C12orf50: variants seen among roughly 807,000 people sequenced by gnomAD.
C12orf50 encodes uncharacterized protein C12orf50.
C12orf50 carries 35 observed loss-of-function variants against 61.6 expected under a neutral mutation model. The ratio of observed to expected loss-of-function variants is 0.57; its 90% confidence interval spans 0.43 to 0.75. The LOEUF (loss-of-function observed/expected upper bound fraction) is 0.75. C12orf50 is among the 30% of genes least tolerant of loss of function. The pLI, the probability that C12orf50 is intolerant of heterozygous loss-of-function variation, is 0.00. For synonymous variants in C12orf50, 178 were observed against 161.5 expected (o/e 1.10, Z -0.77); for missense variants, 475 against 488.5 (o/e 0.97, Z 0.26).
Position 87,993,742 on chromosome 12 carries a change from C to T in C12orf50, c.592+891G>A, listed in dbSNP as rs986170947. On this transcript the variant is annotated intron_variant, in intron 7 of 12. Coordinates refer to ENST00000298699, the MANE Select transcript of C12orf50 (RefSeq NM_152589.3). ...TCAGCCACACCTTTCAACCTCCCCA[C>T]AAAATCTCTATATATTTTCAAAACA... Among the ~76,000 whole-genome samples, 5 of 152,166 alleles carry T rather than the reference C, an allele frequency of 3.3e-5. No homozygotes were observed. The East Asian group carries it at 9.6e-4, about 29-fold the overall frequency.
At chr12:88,026,033 C>G (rs2032693505) in intron 3 of C12orf50, among the ~76,000 whole-genome samples, 1 of 152,142 alleles carries the variant, frequency 6.6e-6, no homozygotes, top group Non-Finnish European at 1.5e-5. Flanking sequence ...TTAGAAAGAA[C>G]CATCACACAT....
chr12:87,994,853 T>A (rs1353952037), intron 6 of C12orf50, 110 bp from the exon 7 acceptor site: 6 of 660,074 alleles, frequency 9.1e-6, no homozygotes, highest in Admixed American at 5.6e-5. Flanking sequence ...TTAATGCAAG[T>A]ATTGTTTGCA....
At chr12:88,000,095 G>C (rs537821456) in intron 3 of C12orf50, among the ~76,000 whole-genome samples, 7 of 152,006 alleles carry the variant, frequency 4.6e-5, no homozygotes, top group Non-Finnish European at 7.4e-5. Flanking sequence ...TGTTTCATTG[G>C]AAAGAAATGA....
intron 3 of C12orf50, among the ~76,000 whole-genome samples, chr12:88,005,535 A>T (rs2031825417): frequency 2.0e-5 from 3 of 152,368 alleles, no homozygotes; most frequent in African/African-American, 7.2e-5. Context: ...TCCACAGTTT[A>T]ACCCAAGTAA....
At chr12:87,998,639 A>G (rs2031524724) in intron 3 of C12orf50, among the ~76,000 whole-genome samples, 1 of 152,178 alleles carries the variant, frequency 6.6e-6, no homozygotes, top group Non-Finnish European at 1.5e-5. Flanking sequence ...TCTTATCAAA[A>G]TCCCAATGGA....
At chr12:87,985,523 G>T in intron 11 of C12orf50, 1 of 285,296 alleles carries the variant, frequency 3.5e-6, no homozygotes, top group Non-Finnish European at 6.6e-6. Flanking sequence ...TGCAGTTAGT[G>T]GAACAAGAAA....
At chr12:87,999,641 C>T (rs2031567852) in intron 3 of C12orf50, among the ~76,000 whole-genome samples, 1 of 152,134 alleles carries the variant, frequency 6.6e-6, no homozygotes, top group African/African-American at 2.4e-5. Context: ...GGAGTCATCA[C>T]ATGTCCCATC....
At chr12:87,983,539 C>T (rs548797942) in intron 11 of C12orf50, 1 of 153,788 alleles carries the variant, frequency 6.5e-6, no homozygotes, top group Admixed American at 6.5e-5. Flanking sequence ...TATCCCTCCC[C>T]CTTCCCCCAC....
At chr12:88,013,621 C>A (rs981793952) in intron 3 of C12orf50, among the ~76,000 whole-genome samples, 2 of 152,034 alleles carry the variant, frequency 1.3e-5, no homozygotes, top group African/African-American at 4.8e-5. Flanking sequence ...TATATTTATA[C>A]CTTATATGCA....
rs750544089 is a variant in C12orf50, at chr12:87,998,056, C to T, written c.268G>A (p.Glu90Lys). 5 of 1,611,118 alleles carry T rather than the reference C, an allele frequency of 3.1e-6. No individual in the cohort carries two copies. The highest frequency in any genetic ancestry group is 4.2e-6 in the Non-Finnish European group (5 of 1,178,580). The change falls in exon 4 of 13, where the codon GAG becomes AAG. Residue 90 changes from glutamate to lysine, a missense_variant. Glu to Lys is a moderately conservative substitution (Grantham distance 56). Coordinates refer to ENST00000298699, the MANE Select transcript of C12orf50 (RefSeq NM_152589.3). Reference sequence around the variant, plus strand: ...TAACCATTTTGTTCATCTACTTCCTCTTCTTCCTCAAAATTAGTTTTTAAA... The same window carrying T: ...TAACCATTTTGTTCATCTACTTCCTTTTCTTCCTCAAAATTAGTTTTTAAA... ...LVLKTNFEEE[E>K]EVDEQNDASS...
In C12orf50 at chr12:87,994,757, G is replaced by C; in HGVS notation, c.482-14C>G. ...TAAGACTATCTCCTAGAAATAAGAA[G>C]AAAAAAAAGTCACCCCAGAAATTAT... On this transcript the variant is annotated splice_polypyrimidine_tract_variant and intron_variant, in intron 6 of 12. Transcript: ENST00000298699. 1 of 1,527,010 alleles carries C rather than the reference G, an allele frequency of 6.5e-7. No homozygotes were observed. Among genetic ancestry groups the C allele is most frequent in the Non-Finnish European group, 9.0e-7 (1 of 1,116,162 alleles). 94.6% of individuals were successfully genotyped at this position (1,527,010 alleles called of 1,614,324 possible). A position where few individuals can be genotyped will look rare whatever the true frequency, so the allele number is the denominator to read the frequency against.
intron 3 of C12orf50, among the ~76,000 whole-genome samples, chr12:88,008,350 A>G (rs2031969566): frequency 6.6e-6 from 1 of 152,152 alleles, no homozygotes; most frequent in African/African-American, 2.4e-5. Flanking sequence ...TTTGCTAAGG[A>G]TGATGGCCTC....
intron 4 of C12orf50, 134 bp from the exon 5 acceptor site, chr12:87,996,780 T>C: frequency 1.6e-6 from 1 of 636,606 alleles, no homozygotes; most frequent in Non-Finnish European, 2.7e-6. Context: ...ATCAATAATT[T>C]TACATACTAG....
At chr12:88,021,294 A>G (rs1429991619) in intron 3 of C12orf50, among the ~76,000 whole-genome samples, 1 of 46,494 alleles carries the variant, frequency 2.2e-5, no homozygotes, top group East Asian at 4.6e-4. Context: ...ACCTAGACTA[A>G]TAAAGACAAA....
chr12:88,026,673 G>A, intron 2 of C12orf50, 65 bp from the exon 3 acceptor site: 3 of 1,570,724 alleles, frequency 1.9e-6, no homozygotes, highest in Non-Finnish European at 2.6e-6. Flanking sequence ...AATACAATGT[G>A]CTACAATACA....
chr12:88,004,701 A>G (rs920914004), intron 3 of C12orf50, among the ~76,000 whole-genome samples: 2 of 152,242 alleles, frequency 1.3e-5, no homozygotes, highest in African/African-American at 4.8e-5. Context: ...CTACATAGCC[A>G]TAAAAGAGAA....
chr12:87,997,953 T>C (rs1241881568), intron 4 of C12orf50, 82 bp downstream of exon 4: 3 of 1,138,314 alleles, frequency 2.6e-6, no homozygotes, highest in African/African-American at 3.1e-5. Flanking sequence ...TATTACATCA[T>C]AAACCTTTAC....
intron 6 of C12orf50, among the ~76,000 whole-genome samples, chr12:87,995,936 G>T (rs1008630923): frequency 2.0e-5 from 3 of 152,198 alleles, no homozygotes; most frequent in African/African-American, 7.2e-5. Context: ...CTCTGAAATA[G>T]TCTGGTCCAC....
intron 6 of C12orf50, 67 bp from the exon 7 acceptor site, chr12:87,994,810 A>G: frequency 2.1e-6 from 2 of 972,868 alleles, no homozygotes; most frequent in Non-Finnish European, 3.2e-6. Context: ...AATTTATGAT[A>G]GAATGCATGA....
Sources: allele counts gnomAD v4.1 joint callset (sites outside exome capture counted in the v4.1 genomes callset), GRCh38; gene constraint gnomAD v4.1.1; transcripts MANE v1.5; gene names NCBI Gene and HGNC (gene_info 2026-07-23, HGNC 2026-07-21).